The following EEA1 variants were observed in gnomAD, a reference collection of about 807,000 sequenced individuals.
EEA1 encodes early endosome antigen 1, 162kD.
In EEA1, 111 loss-of-function variants were observed where a neutral mutation model predicts 209.2. The ratio of observed to expected loss-of-function variants is 0.53; its 90% CI spans 0.45 to 0.62. EEA1 has a LOEUF of 0.62. Ranked by LOEUF, EEA1 falls within the 20% of genes least tolerant of loss-of-function variation. The pLI, the probability that EEA1 is intolerant of heterozygous loss-of-function variation, is 0.00. For synonymous variants in EEA1, 536 were observed against 540.6 expected (o/e 0.99, Z 0.12); for missense variants, 1,343 against 1,530.8 (o/e 0.88, Z 2.05).
rs1873796138 is a variant in EEA1 at position 92,779,296 on chromosome 12, A to T, written c.3473T>A (p.Ile1158Lys). 1 of 1,584,316 alleles carries T rather than the reference A, an allele frequency of 6.3e-7. No homozygotes were observed. The highest frequency in any genetic ancestry group is 8.5e-7 in the Non-Finnish European group (1 of 1,172,428). Residue 1158 changes from isoleucine to lysine, a missense_variant, in exon 25 of 29, where the codon ATA (isoleucine) becomes AAA (lysine). By Grantham distance (102) the Ile-to-Lys change is moderately radical. Transcript: ENST00000322349. ...CTGTTTAGCATCTTTAAGATTTGTTATCTCCTGTTGAAAAAGTAGGGCCAA... is the reference window on the plus strand; with the variant it reads ...CTGTTTAGCATCTTTAAGATTTGTTTTCTCCTGTTGAAAAAGTAGGGCCAA... Reference protein sequence around the residue: ...KSHKLESIKEITNLKDAKQLL... With the variant: ...KSHKLESIKEKTNLKDAKQLL...
In EEA1 at chr12:92,801,627, C is replaced by A; in HGVS notation, c.2745G>T (p.Leu915=). The change falls in exon 20 of 29, where the codon CTG becomes CTT. Residue 915 remains leucine, a synonymous_variant. Transcript: ENST00000322349. ...MENTLKEQKE[L]KKSLEKEKEA... ...CCTTCTCTTTTTCAAGTGACTTTTT[C>A]AGTTCCTTCTGTTCCTTAAGTGTGT... is the stretch of plus-strand genomic sequence containing the variant. 1 of 1,590,188 alleles carries A rather than the reference C, an allele frequency of 6.3e-7. No homozygotes were observed. The highest frequency in any genetic ancestry group is 8.5e-7 in the Non-Finnish European group (1 of 1,171,772).
At chr12:92,849,595 T>C (rs1877525735) in intron 9 of EEA1, among the ~76,000 whole-genome samples, 2 of 152,240 alleles carry the variant, frequency 1.3e-5, no homozygotes, top group South Asian at 4.1e-4. Flanking sequence ...TTGGAAAAAC[T>C]GCATCCAAAT....
At chr12:92,928,359 G>A (rs1430913809) in intron 1 of EEA1, among the ~76,000 whole-genome samples, 1 of 152,170 alleles carries the variant, frequency 6.6e-6, no homozygotes, top group African/African-American at 2.4e-5. Context: ...ACTTGATCAA[G>A]CTTACTGCGG....
At chr12:92,898,838 C>T (rs1880028731) in intron 1 of EEA1, among the ~76,000 whole-genome samples, 1 of 145,052 alleles carries the variant, frequency 6.9e-6, no homozygotes, top group South Asian at 2.2e-4. Flanking sequence ...ACTTCATCCT[C>T]CCAAAGTGCT....
At chr12:92,794,098 A>T (rs2136660382) in intron 21 of EEA1, among the ~76,000 whole-genome samples, 1 of 152,368 alleles carries the variant, frequency 6.6e-6, no homozygotes, top group Non-Finnish European at 1.5e-5. Flanking sequence ...TCAAAAGAAG[A>T]CATCTATGCA....
intron 10 of EEA1, among the ~76,000 whole-genome samples, chr12:92,841,051 G>A (rs756626991): frequency 1.3e-5 from 2 of 152,164 alleles, no homozygotes; most frequent in Non-Finnish European, 2.9e-5. Context: ...CACCAAATCT[G>A]CTAGTGCCTT....
At chr12:92,839,422 C>A (rs1401273318) in intron 10 of EEA1, among the ~76,000 whole-genome samples, 1 of 152,174 alleles carries the variant, frequency 6.6e-6, no homozygotes, top group East Asian at 1.9e-4. Flanking sequence ...CCACAATTAT[C>A]TGAAAAAGTA....
chr12:92,852,353 T>C (rs1877669586), intron 7 of EEA1, 57 bp from the exon 8 acceptor site: 2 of 1,271,760 alleles, frequency 1.6e-6, no homozygotes, highest in Admixed American at 5.2e-5. Context: ...TTTATAAGTT[T>C]CCATATATTA....
At chr12:92,858,371 A>C in intron 3 of EEA1, 3 of 983,690 alleles carry the variant, frequency 3.0e-6, no homozygotes, top group Non-Finnish European at 4.9e-6. Context: ...ATTCTTCCAA[A>C]GGGTTTGACT....
chr12:92,823,378 G>GTTT (rs1191830185), intron 13 of EEA1, among the ~76,000 whole-genome samples: 5 of 152,154 alleles, frequency 3.3e-5, no homozygotes, highest in Non-Finnish European at 7.3e-5. Flanking sequence ...AAACCTAAGA[G>GTTT]TTTAGTTCAC....
rs752156762 is a variant in EEA1 at position 92,852,252 on chromosome 12, C to T, written c.565G>A (p.Ala189Thr). ...GTCAGACGTGTCACTTTTTGTTCAG[C>T]AGCTTCTCGAAGACTCCTTTCTTCA... is the stretch of plus-strand genomic sequence containing the variant. Reference protein sequence around the residue: ...YDEERSLREAAEQKVTRLTEE... With the variant: ...YDEERSLREATEQKVTRLTEE... The change falls in exon 8 of 29, where the codon GCT (alanine) becomes ACT (threonine). Residue 189 changes from alanine to threonine, a missense_variant. Physicochemically the swap from Ala to Thr is moderately conservative, Grantham distance 58. Transcript: ENST00000322349. The T allele has an allele frequency of 1.2e-6, 2 of 1,601,214 alleles. No homozygotes were observed. Among genetic ancestry groups the T allele is most frequent in the Non-Finnish European group, 1.7e-6 (2 of 1,173,968 alleles).
At chr12:92,817,634 G>C (rs1452778211) in intron 14 of EEA1, among the ~76,000 whole-genome samples, 1 of 152,118 alleles carries the variant, frequency 6.6e-6, no homozygotes, top group Non-Finnish European at 1.5e-5. Context: ...TTACTTCAGG[G>C]TCTGTTCCCA....
intron 2 of EEA1, among the ~76,000 whole-genome samples, chr12:92,890,132 G>A (rs1209542991): frequency 6.6e-6 from 1 of 152,156 alleles, no homozygotes; most frequent in Non-Finnish European, 1.5e-5. Context: ...GTCAAAGAAA[G>A]AGTTTTTGGT....
At chr12:92,791,755 G>C (rs1467191938) in intron 21 of EEA1, among the ~76,000 whole-genome samples, 1 of 152,142 alleles carries the variant, frequency 6.6e-6, no homozygotes, top group Non-Finnish European at 1.5e-5. Flanking sequence ...TCTGAACTCA[G>C]CTCTGCAACA....
At chr12:92,776,624 GTAAC>G in intron 28 of EEA1, among the ~76,000 whole-genome samples, 1 of 151,880 alleles carries the variant, frequency 6.6e-6, no homozygotes. Flanking sequence ...GTCCCAGACA[GTAAC>G]TAAGTTGGAA....
At chr12:92,865,714 TTTTTATTTTATTTTA>T (rs79830023) in intron 2 of EEA1, among the ~76,000 whole-genome samples, 36,852 of 142,212 alleles carry the variant, frequency 0.26, 5,272 homozygotes, top group Non-Finnish European at 0.32. Flanking sequence ...AACTTTTATT[TTTTTATTTTATTTTA>T]TTTTATTTTA....
At chr12:92,803,955 G>C in intron 18 of EEA1, among the ~76,000 whole-genome samples, 1 of 151,992 alleles carries the variant, frequency 6.6e-6, no homozygotes, top group Middle Eastern at 3.2e-3. Flanking sequence ...AACAGAAATA[G>C]AGGCTTACAT....
At chr12:92,814,949 T>A (rs750822074) in intron 15 of EEA1, among the ~76,000 whole-genome samples, 2 of 152,202 alleles carry the variant, frequency 1.3e-5, no homozygotes, top group African/African-American at 4.8e-5. Context: ...CTACAGCTAA[T>A]ACCCTTTGGC....
chr12:92,851,373 T>C (rs749555697), intron 8 of EEA1, 107 bp from the exon 9 acceptor site: 6 of 1,133,032 alleles, frequency 5.3e-6, no homozygotes, highest in East Asian at 2.6e-5. Context: ...CAATCATCAA[T>C]ATCAATTTTT....
Sources: allele counts gnomAD v4.1 joint callset (sites outside exome capture counted in the v4.1 genomes callset), GRCh38; gene constraint gnomAD v4.1.1; transcripts MANE v1.5; gene names NCBI Gene and HGNC (gene_info 2026-07-23, HGNC 2026-07-21).